The following SCFD2 variants were observed in gnomAD, a reference collection of about 807,000 sequenced individuals.
SCFD2 encodes the protein sec1 family domain-containing protein 2.
A neutral mutation model predicts 58.9 loss-of-function variants in SCFD2; 54 were observed. The ratio of observed to expected loss-of-function variants is 0.92; its 90% CI spans 0.74 to 1.15. The LOEUF is 1.15. Among genes scored for constraint, SCFD2 ranks in the 50% most tolerant of loss-of-function variants. SCFD2 has a pLI of 0.00. For synonymous variants in SCFD2, 321 were observed against 335.9 expected (o/e 0.96, Z 0.49); for missense variants, 805 against 836.6 (o/e 0.96, Z 0.47).
At chr4:53,201,289 C>T (rs1353613429) in intron 4 of SCFD2, among the ~76,000 whole-genome samples, 1 of 151,896 alleles carries the variant, frequency 6.6e-6, no homozygotes, top group Non-Finnish European at 1.5e-5. Context: ...GTTTTTTCTC[C>T]TTGCCATAGT....
chr4:53,011,958 T>C (rs1722102190), intron 5 of SCFD2, among the ~76,000 whole-genome samples: 1 of 151,620 alleles, frequency 6.6e-6, no homozygotes, highest in Non-Finnish European at 1.5e-5. Context: ...AATCTGGGGA[T>C]TTTTCATTGA....
chr4:53,212,283 T>A (rs369605138), intron 4 of SCFD2, among the ~76,000 whole-genome samples: 1 of 151,844 alleles, frequency 6.6e-6, no homozygotes, highest in South Asian at 2.1e-4. Context: ...GACCAGGACT[T>A]CCAAAAGTCA....
chr4:53,112,448 G>A (rs1446975767), intron 5 of SCFD2, among the ~76,000 whole-genome samples: 2 of 152,058 alleles, frequency 1.3e-5, no homozygotes, highest in Admixed American at 1.3e-4. Flanking sequence ...TGGCTCTACG[G>A]TGAGCAGAGA....
At chr4:53,350,003 C>T (rs748946695) in intron 2 of SCFD2, among the ~76,000 whole-genome samples, 10 of 152,132 alleles carry the variant, frequency 6.6e-5, no homozygotes, top group East Asian at 1.9e-4. Context: ...CTTCTATAAA[C>T]GGGGACGCTA....
At chr4:53,317,431 T>G (rs1732899906) in intron 2 of SCFD2, among the ~76,000 whole-genome samples, 1 of 152,236 alleles carries the variant, frequency 6.6e-6, no homozygotes, top group Non-Finnish European at 1.5e-5. Flanking sequence ...GTCACTGCCT[T>G]TCTCTAATAT....
rs576632582 is a variant in SCFD2 at position 53,201,577 on chromosome 4, C to A, written c.1312-55995G>T. On this transcript the variant is annotated intron_variant, in intron 4 of 8. Coordinates refer to ENST00000401642, the MANE Select transcript of SCFD2 (RefSeq NM_152540.4). The stretch of plus-strand genomic sequence containing the variant: ...GCTGGGTCAAATGGTATTTCTAGTT[C>A]TAGATCCCTGAGGAATCGCCACACT... Among the ~76,000 whole-genome samples, 27 of 152,170 alleles carry A rather than the reference C, an allele frequency of 1.8e-4. No homozygotes were observed. In the East Asian group the frequency reaches 3.3e-3, roughly 19 times the overall value.
intron 2 of SCFD2, among the ~76,000 whole-genome samples, chr4:53,320,357 C>T (rs1399943599): frequency 6.6e-6 from 1 of 152,222 alleles, no homozygotes; most frequent in African/African-American, 2.4e-5. Context: ...TGGCTCACGC[C>T]TGTAATCCCA....
intron 5 of SCFD2, among the ~76,000 whole-genome samples, chr4:53,038,607 C>T (rs1722820142): frequency 1.3e-5 from 2 of 152,012 alleles, no homozygotes. Flanking sequence ...ATGAATTTTA[C>T]TCTAAGTATA....
At chr4:53,184,869 C>T (rs1471202179) in intron 4 of SCFD2, among the ~76,000 whole-genome samples, 1 of 152,098 alleles carries the variant, frequency 6.6e-6, no homozygotes, top group Non-Finnish European at 1.5e-5. Context: ...AATCTTTCTA[C>T]CAGCTACAAG....
intron 8 of SCFD2, among the ~76,000 whole-genome samples, chr4:52,883,402 T>C (rs1419401633): frequency 6.6e-6 from 1 of 152,198 alleles, no homozygotes; most frequent in African/African-American, 2.4e-5. Context: ...TGAGGAATCT[T>C]CCTAGGGCCT....
intron 5 of SCFD2, among the ~76,000 whole-genome samples, chr4:53,025,996 C>T (rs906334270): frequency 4.6e-5 from 7 of 152,090 alleles, no homozygotes; most frequent in Non-Finnish European, 8.8e-5. Context: ...TAAATGACTA[C>T]GGTTTTTCAT....
chr4:52,980,041 T>C (rs1412007644), intron 5 of SCFD2, among the ~76,000 whole-genome samples: 1 of 152,202 alleles, frequency 6.6e-6, no homozygotes, highest in East Asian at 1.9e-4. Context: ...GACTACAAAG[T>C]GAATGGTGCC....
chr4:52,902,317 A>G (rs542859410), intron 7 of SCFD2, among the ~76,000 whole-genome samples: 2 of 152,358 alleles, frequency 1.3e-5, no homozygotes, highest in Admixed American at 1.3e-4. Context: ...GTGGAGAAGA[A>G]AAAGGGGAGT....
intron 2 of SCFD2, among the ~76,000 whole-genome samples, chr4:53,340,796 G>T (rs766860053): frequency 4.6e-5 from 7 of 152,198 alleles, no homozygotes; most frequent in African/African-American, 1.7e-4. Context: ...AACATTTGCC[G>T]ATCTGCAATA....
At chr4:53,249,150 G>A (rs531109684) in intron 4 of SCFD2, among the ~76,000 whole-genome samples, 14 of 152,330 alleles carry the variant, frequency 9.2e-5, no homozygotes, top group East Asian at 1.9e-4. Flanking sequence ...CGAGAACTAC[G>A]TGAAGAATGC....
chr4:53,208,703 T>A (rs955461592), intron 4 of SCFD2, among the ~76,000 whole-genome samples: 5 of 152,212 alleles, frequency 3.3e-5, no homozygotes, highest in Non-Finnish European at 5.9e-5. Context: ...TGGAAGCATA[T>A]ACATTTTCAG....
chr4:53,299,275 G>T (rs956640462), intron 3 of SCFD2, among the ~76,000 whole-genome samples: 2 of 152,150 alleles, frequency 1.3e-5, no homozygotes, highest in Non-Finnish European at 1.5e-5. Flanking sequence ...TGAAAACCAC[G>T]GCACGAGAAC....
At chr4:53,195,138 T>G (rs1728023991) in intron 4 of SCFD2, among the ~76,000 whole-genome samples, 1 of 152,150 alleles carries the variant, frequency 6.6e-6, no homozygotes, top group Admixed American at 6.6e-5. Flanking sequence ...CTTGAGCATG[T>G]TACTCAAGCC....
chr4:53,213,577 G>A (rs1317652476), intron 4 of SCFD2, among the ~76,000 whole-genome samples: 4 of 152,022 alleles, frequency 2.6e-5, no homozygotes, highest in Non-Finnish European at 5.9e-5. Flanking sequence ...GGCAAATACA[G>A]GATATAAAAG....
Sources: allele counts gnomAD v4.1 joint callset (sites outside exome capture counted in the v4.1 genomes callset), GRCh38; gene constraint gnomAD v4.1.1; transcripts MANE v1.5; gene names NCBI Gene and HGNC (gene_info 2026-07-23, HGNC 2026-07-21).